LRRC4C: variants seen among roughly 807,000 people sequenced by gnomAD.
LRRC4C encodes leucine rich repeat containing 4C.
In LRRC4C, 5 loss-of-function variants were observed where a neutral mutation model predicts 33.6. The observed-to-expected ratio is 0.15, with a 90% confidence interval of 0.08 to 0.31. The LOEUF is 0.31. LRRC4C is among the 10% of genes least tolerant of loss of function. LRRC4C has a pLI of 1.00. For synonymous variants in LRRC4C, 329 were observed against 302.0 expected (o/e 1.09, Z -0.93); for missense variants, 560 against 796.7 (o/e 0.70, Z 3.58).
At chr11:41,454,763 C>T (rs1050164267) in intron 1 of LRRC4C, among the ~76,000 whole-genome samples, 3 of 152,102 alleles carry the variant, frequency 2.0e-5, no homozygotes, top group African/African-American at 7.2e-5. Context: ...CAGAATATAG[C>T]TTTCTGTCTC....
chr11:40,324,051 G>A (rs1945979551), intron 3 of LRRC4C, among the ~76,000 whole-genome samples: 1 of 152,154 alleles, frequency 6.6e-6, no homozygotes, highest in Non-Finnish European at 1.5e-5. Context: ...TAGTGTGAGA[G>A]GTGGCAAGTA....
At chr11:41,164,456 C>T (rs899642891) in intron 1 of LRRC4C, among the ~76,000 whole-genome samples, 7 of 152,022 alleles carry the variant, frequency 4.6e-5, no homozygotes, top group Non-Finnish European at 8.8e-5. Context: ...GGAGAACACT[C>T]TAAAATAATA....
chr11:40,529,329 A>C (rs1956182938), intron 3 of LRRC4C, among the ~76,000 whole-genome samples: 1 of 152,106 alleles, frequency 6.6e-6, no homozygotes, highest in Admixed American at 6.6e-5. Context: ...TTCTATATTT[A>C]TGTTAAATAA....
At chr11:40,633,396 T>C (rs113896875) in intron 3 of LRRC4C, among the ~76,000 whole-genome samples, 26,118 of 86,196 alleles carry the variant, frequency 0.3, 4,160 homozygotes, top group Middle Eastern at 0.42. Context: ...TCTTTCTTTC[T>C]TTTTTTTTTT....
Position 40,322,780 on chromosome 11 carries a change from A to C in LRRC4C, c.-269-3059T>G, listed in dbSNP as rs1945916060. Among the ~76,000 whole-genome samples, 2 of 152,114 alleles carry C rather than the reference A, an allele frequency of 1.3e-5. 1 individual carries two copies. Among genetic ancestry groups the C allele is most frequent in the Admixed American group, 1.3e-4 (2 of 15,274 alleles). On this transcript the variant is annotated intron_variant, in intron 3 of 6. Coordinates refer to ENST00000528697, the MANE Select transcript of LRRC4C (RefSeq NM_001258419.2). ...ATGCTGCTTTGGGATTTAATGAGGA[A>C]ATTTCTATAGGGTACTTTGCTCAGG...
At chr11:40,171,160 A>C (rs1416985305) in intron 5 of LRRC4C, among the ~76,000 whole-genome samples, 1 of 152,226 alleles carries the variant, frequency 6.6e-6, no homozygotes, top group Non-Finnish European at 1.5e-5. Flanking sequence ...TCATAAAAAA[A>C]GGTATTTCAA....
intron 4 of LRRC4C, among the ~76,000 whole-genome samples, chr11:40,250,358 A>G (rs1021609495): frequency 6.6e-6 from 1 of 152,168 alleles, no homozygotes; most frequent in Non-Finnish European, 1.5e-5. Context: ...CCAAATTTCT[A>G]TACTTCAGAA....
At chr11:40,953,909 T>G (rs1229067333) in intron 1 of LRRC4C, among the ~76,000 whole-genome samples, 2 of 151,898 alleles carry the variant, frequency 1.3e-5, no homozygotes, top group Non-Finnish European at 2.9e-5. Flanking sequence ...TGCATAATAG[T>G]GTACATGATA....
chr11:40,817,971 C>T (rs1951774165), intron 2 of LRRC4C, among the ~76,000 whole-genome samples: 1 of 152,066 alleles, frequency 6.6e-6, no homozygotes, highest in Non-Finnish European at 1.5e-5. Flanking sequence ...GCCTAATGGG[C>T]TTCAGGATTT....
At chr11:40,381,383 C>A (rs1399153064) in intron 3 of LRRC4C, among the ~76,000 whole-genome samples, 1 of 152,060 alleles carries the variant, frequency 6.6e-6, no homozygotes, top group Non-Finnish European at 1.5e-5. Flanking sequence ...TGCCCTAGAA[C>A]AACTGTAGCC....
intron 1 of LRRC4C, among the ~76,000 whole-genome samples, chr11:41,075,933 A>G (rs1318176889): frequency 2.0e-5 from 3 of 151,804 alleles, no homozygotes; most frequent in Admixed American, 1.3e-4. Context: ...CTTTCTTTAC[A>G]TGGCTTCAGG....
chr11:40,174,563 C>T (rs1045779828), intron 5 of LRRC4C, among the ~76,000 whole-genome samples: 1 of 152,094 alleles, frequency 6.6e-6, no homozygotes, highest in Non-Finnish European at 1.5e-5. Context: ...CATATGTGTG[C>T]GTTATTATTT....
At position 40,357,564 on chromosome 11, in the gene LRRC4C, C is replaced by T. The variant is rs558781682; in HGVS notation, c.-269-37843G>A. On this transcript the variant is annotated intron_variant, in intron 3 of 6. Transcript: ENST00000528697. ...CAAAAATGTGTAGTTGTTGCTCTTGCTTCTTTAATAGACACAAATCATTTA... is the reference window on the plus strand; with the variant it reads ...CAAAAATGTGTAGTTGTTGCTCTTGTTTCTTTAATAGACACAAATCATTTA... 6.0e-4 allele frequency among the ~76,000 whole-genome samples: 91 copies of T among 152,244 alleles called. 1 individual carries two copies. The highest frequency in any genetic ancestry group is 5.3e-4 in the Non-Finnish European group (36 of 68,010).
chr11:40,194,009 T>A (rs1862052075), intron 5 of LRRC4C, among the ~76,000 whole-genome samples: 1 of 152,092 alleles, frequency 6.6e-6, no homozygotes, highest in African/African-American at 2.4e-5. Flanking sequence ...ACAGGGAGAA[T>A]GGAACCAAGT....
intron 5 of LRRC4C, among the ~76,000 whole-genome samples, chr11:40,162,617 C>T (rs529598978): frequency 1.3e-5 from 2 of 152,234 alleles, no homozygotes; most frequent in East Asian, 3.9e-4. Context: ...AATGTTTCGT[C>T]GCTTTGTAGC....
At chr11:40,824,778 T>C (rs1483750840) in intron 2 of LRRC4C, among the ~76,000 whole-genome samples, 1 of 151,964 alleles carries the variant, frequency 6.6e-6, no homozygotes, top group Admixed American at 6.6e-5. Context: ...CAAATTGTAG[T>C]CATGATTTCT....
intron 2 of LRRC4C, among the ~76,000 whole-genome samples, chr11:40,686,077 T>C (rs1944938517): frequency 6.6e-6 from 1 of 152,032 alleles, no homozygotes; most frequent in South Asian, 2.1e-4. Flanking sequence ...TACTCTACAA[T>C]AACCTTGCAG....
intron 1 of LRRC4C, among the ~76,000 whole-genome samples, chr11:41,315,023 A>G (rs977446128): frequency 2.0e-5 from 3 of 152,174 alleles, no homozygotes; most frequent in Non-Finnish European, 4.4e-5. Flanking sequence ...CCTACGAAAT[A>G]AGACCAACTT....
intron 5 of LRRC4C, among the ~76,000 whole-genome samples, chr11:40,143,893 A>T (rs531680074): frequency 6.6e-6 from 1 of 152,304 alleles, no homozygotes; most frequent in South Asian, 2.1e-4. Flanking sequence ...TTTATAGGTG[A>T]GGAAACTAAA....
Sources: allele counts gnomAD v4.1 joint callset (sites outside exome capture counted in the v4.1 genomes callset), GRCh38; gene constraint gnomAD v4.1.1; transcripts MANE v1.5; gene names NCBI Gene and HGNC (gene_info 2026-07-23, HGNC 2026-07-21).